SPTBN4: variants seen among roughly 807,000 people sequenced by gnomAD.
The protein encoded by SPTBN4 is spectrin beta, non-erythrocytic 4.
A neutral mutation model predicts 277.8 loss-of-function variants in SPTBN4; 96 were observed. The observed-to-expected ratio is 0.35, with a 90% CI of 0.29 to 0.41. The LOEUF (loss-of-function observed/expected upper bound fraction) is 0.41, where lower values mean the gene tolerates loss of function less well. SPTBN4 is among the 10% of genes least tolerant of loss of function. The probability of loss-of-function intolerance (pLI) is 1.00; values close to 1 mark genes in which losing one functional copy is unlikely to be tolerated. For synonymous variants in SPTBN4, 1,481 were observed against 1,580.3 expected (o/e 0.94, Z 1.49); for missense variants, 3,006 against 3,595.7 (o/e 0.84, Z 4.19).
intron 7 of SPTBN4, among the ~76,000 whole-genome samples, chr19:40,500,703 C>T (rs141041944): frequency 5.3e-5 from 8 of 151,962 alleles, no homozygotes; most frequent in East Asian, 1.9e-4. Flanking sequence ...AAAAATTAGC[C>T]GGGCGTGGTG....
rs372261283 is a variant in SPTBN4, at chr19:40,492,971, C to A, written c.504C>A (p.Val168=). 3.7e-6 allele frequency: 6 copies of A among 1,613,874 alleles called. No individual in the cohort carries two copies. The highest frequency in any genetic ancestry group is 3.3e-5 in the Admixed American group (2 of 59,986). The change falls in exon 5 of 36, where the codon GTC becomes GTA. Residue 168 remains valine, a synonymous_variant. Coordinates refer to ENST00000598249, the MANE Select transcript of SPTBN4 (RefSeq NM_020971.3). The part of the protein sequence containing the change: ...WTIILRFQIQ[V]IKIETEDNRE... ...TTTTTGTATCTTCACAGATTCAAGT[C>A]ATCAAAATTGAGACTGAGGACAACA...
rs763331369 is a variant in SPTBN4, at chr19:40,568,294, G to T, written c.6956+12G>T. ...GACCTGGTCAAGGGGTGAGGTGCCC[G>T]CCTTATGACCAGAAAGTGAGGGGAG... On this transcript the variant is annotated intron_variant, in intron 31 of 35. Coordinates refer to ENST00000598249, the MANE Select transcript of SPTBN4 (RefSeq NM_020971.3). 16 of 1,591,480 alleles carry T rather than the reference G, an allele frequency of 1.0e-5. No homozygotes were observed. The highest frequency in any genetic ancestry group is 1.4e-5 in the Non-Finnish European group (16 of 1,169,110).
intron 3 of SPTBN4, among the ~76,000 whole-genome samples, chr19:40,488,827 T>C (rs1029297554): frequency 6.7e-6 from 1 of 149,240 alleles, no homozygotes; most frequent in African/African-American, 2.4e-5. Context: ...TTTTTCTTAA[T>C]TTTTTTATTC....
Position 40,513,028 on chromosome 19 carries a change from C to CG in SPTBN4, c.2240dup (p.Ala748ArgfsTer34). The CG allele has an allele frequency of 7.0e-7, 1 of 1,422,634 alleles. No homozygotes were observed. Among genetic ancestry groups the CG allele is most frequent in the Non-Finnish European group, 9.1e-7 (1 of 1,095,420 alleles). 88.1% of individuals were successfully genotyped at this position (1,422,634 alleles called of 1,614,324 possible). A position where few individuals can be genotyped will look rare whatever the true frequency, so the allele number is the denominator to read the frequency against. ...CGTGCACCTGGTAGGCCTGGCGGAG[C>CG]GCGCGGCGAGCGCCCGGCGCCGCTG... On this transcript the variant is annotated frameshift_variant, in exon 14 of 36. Coordinates refer to ENST00000598249, the MANE Select transcript of SPTBN4 (RefSeq NM_020971.3). LOFTEE classifies it high-confidence loss of function.
At chr19:40,507,685 A>G (rs2080345726) in intron 13 of SPTBN4, among the ~76,000 whole-genome samples, 1 of 152,150 alleles carries the variant, frequency 6.6e-6, no homozygotes. Flanking sequence ...ATACAAAAAA[A>G]TTAGCCGGAC....
rs545046784 is a variant in SPTBN4, at chr19:40,510,625, A to G, written c.1817-1981A>G. Reference sequence around the variant, plus strand: ...GCAAGAAGCTGTTGTTATTGTAACTATTATTCAGTTGGATACCTTGTGGTT... The same window carrying G: ...GCAAGAAGCTGTTGTTATTGTAACTGTTATTCAGTTGGATACCTTGTGGTT... On this transcript the variant is annotated intron_variant, in intron 13 of 35. Coordinates refer to ENST00000598249, the MANE Select transcript of SPTBN4 (RefSeq NM_020971.3). Among the ~76,000 whole-genome samples, 14 of 152,298 alleles carry G rather than the reference A, an allele frequency of 9.2e-5. No homozygotes were observed. In the East Asian group the frequency reaches 1.4e-3, roughly 15 times the overall value.
chr19:40,550,970 T>A (rs1455068660), intron 22 of SPTBN4, among the ~76,000 whole-genome samples: 1 of 152,188 alleles, frequency 6.6e-6, no homozygotes, highest in Non-Finnish European at 1.5e-5. Context: ...GGAATAACTC[T>A]CATTGGCTCA....
At chr19:40,498,030 C>T (rs1449538874) in intron 7 of SPTBN4, among the ~76,000 whole-genome samples, 1 of 151,908 alleles carries the variant, frequency 6.6e-6, no homozygotes, top group Non-Finnish European at 1.5e-5. Context: ...TGTCTCCATC[C>T]CCACCACATC....
chr19:40,565,848 C>T (rs2081086288), intron 29 of SPTBN4, 103 bp downstream of exon 29: 4 of 1,245,160 alleles, frequency 3.2e-6, no homozygotes, highest in Non-Finnish European at 4.5e-6. Flanking sequence ...TGCACCCTAC[C>T]CATGGGTCTC....
chr19:40,550,096 CAAAAAAT>C (rs2080901031), intron 21 of SPTBN4, 135 bp from the exon 22 acceptor site: 1 of 553,422 alleles, frequency 1.8e-6, no homozygotes, highest in Non-Finnish European at 3.1e-6. Flanking sequence ...AAAAAAAAAA[CAAAAAAT>C]GGAGGAGGCT....
chr19:40,485,677 T>TA (rs1245872207), intron 2 of SPTBN4, among the ~76,000 whole-genome samples: 2 of 151,588 alleles, frequency 1.3e-5, no homozygotes, highest in African/African-American at 4.8e-5. Flanking sequence ...ATGGGCATGG[T>TA]GGCATGTGCC....
At chr19:40,505,700 G>GAGGAAGGAAGGAAGGA (rs369584973) in intron 12 of SPTBN4, among the ~76,000 whole-genome samples, 2,928 of 116,518 alleles carry the variant, frequency 0.025, 55 homozygotes, top group Non-Finnish European at 0.028. Flanking sequence ...GAATGAAAGG[G>GAGGAAGGAAGGAAGGA]AGGAAGGAAG....
In SPTBN4 at chr19:40,515,105, A is replaced by G. The variant is rs1023388629; in HGVS notation, c.2766-206A>G. 4.6e-5 allele frequency among the ~76,000 whole-genome samples: 7 copies of G among 152,274 alleles called. No homozygotes were observed. Among genetic ancestry groups the G allele is most frequent in the Admixed American group, 4.6e-4 (7 of 15,292 alleles). Reference sequence around the variant, plus strand: ...GGGTGACAGAGCGAGACTCTGTCTCAATACATACATACATAAATTAATTAA... The same window carrying G: ...GGGTGACAGAGCGAGACTCTGTCTCGATACATACATACATAAATTAATTAA... On this transcript the variant is annotated intron_variant, in intron 14 of 35. Transcript: ENST00000598249. This position sits in a 1 kb window ranked among gnomAD's most constrained non-coding sequence, Gnocchi z 4.1.
chr19:40,529,091 A>T lies in SPTBN4; in HGVS notation c.3908A>T (p.Asp1303Val). ...CAGCAATGGATGCAAAAGCTACATGACCAACTTGAGCTGCAGCACTTCCTC... is the reference window on the plus strand; with the variant it reads ...CAGCAATGGATGCAAAAGCTACATGTCCAACTTGAGCTGCAGCACTTCCTC... ...RAQQWMQKLH[D>V]QLELQHFLRD... Residue 1303 changes from aspartate (D) to valine (V), a missense_variant, in exon 18 of 36, where the codon GAC becomes GTC. Transcript: ENST00000598249. 1 of 1,614,090 alleles carries T rather than the reference A, an allele frequency of 6.2e-7. No homozygotes were observed. Among genetic ancestry groups the T allele is most frequent in the Non-Finnish European group, 8.5e-7 (1 of 1,179,964 alleles).
intron 17 of SPTBN4, among the ~76,000 whole-genome samples, chr19:40,525,936 C>CT (rs2080585810): frequency 6.6e-6 from 1 of 152,142 alleles, no homozygotes; most frequent in African/African-American, 2.4e-5. Context: ...CCATCCCAGT[C>CT]ATTTATTTGT....
chr19:40,555,968 C>T (rs1407032340), intron 24 of SPTBN4, 116 bp from the exon 25 acceptor site: 5 of 856,782 alleles, frequency 5.8e-6, no homozygotes, highest in South Asian at 1.8e-5. Context: ...GGGACACAGC[C>T]GTGTCTGAAG....
chr19:40,490,359 T>A lies in SPTBN4; in HGVS notation c.495+111T>A. On this transcript the variant is annotated intron_variant, in intron 4 of 35. Transcript: ENST00000598249. This position sits in a 1 kb window ranked among gnomAD's most constrained non-coding sequence, Gnocchi z 4.3. ...CCAATAATATCCTAATATGCTGGAA[T>A]CCTATTCCAGGTGTTAGGGATGAAA... 2 of 1,306,374 alleles carry A rather than the reference T, an allele frequency of 1.5e-6. No individual in the cohort carries two copies. The highest frequency in any genetic ancestry group is 2.1e-6 in the Non-Finnish European group (2 of 962,688). The allele number at this position is 1,306,374 out of a possible 1,614,324, so 80.9% of individuals were successfully genotyped here. A position where few individuals can be genotyped will look rare whatever the true frequency, so the allele number is the denominator to read the frequency against.
chr19:40,497,818 C>G (rs1025359760), intron 7 of SPTBN4, among the ~76,000 whole-genome samples: 2 of 151,756 alleles, frequency 1.3e-5, no homozygotes, highest in African/African-American at 4.8e-5. Flanking sequence ...CATCCTCACA[C>G]CTCTTCCTCT....
chr19:40,472,687 T>C lies in SPTBN4; in HGVS notation c.66T>C (p.Ala22=). Residue 22 remains alanine, a synonymous_variant, in exon 2 of 36, where the codon GCT becomes GCC. Transcript: ENST00000598249. Reference sequence around the variant, plus strand: ...TGCCTGCTCCTAACAACAACCCTGCTGCCCGCTGGGAGAGTCCGGATCGGG... The same window carrying C: ...TGCCTGCTCCTAACAACAACCCTGCCGCCCGCTGGGAGAGTCCGGATCGGG... ...EGLPAPNNNP[A]ARWESPDRGW... 2 of 1,613,818 alleles carry C rather than the reference T, an allele frequency of 1.2e-6. No individual in the cohort carries two copies. The highest frequency in any genetic ancestry group is 1.7e-6 in the Non-Finnish European group (2 of 1,179,920).
Sources: allele counts gnomAD v4.1 joint callset (sites outside exome capture counted in the v4.1 genomes callset), GRCh38; gene constraint gnomAD v4.1.1; non-coding constraint Gnocchi (gnomAD v3.1); transcripts MANE v1.5; gene names NCBI Gene and HGNC (gene_info 2026-07-23, HGNC 2026-07-21).